The following PKHD1 variants were observed in gnomAD, a reference collection of about 807,000 sequenced individuals.
The protein encoded by PKHD1 is PKHD1 ciliary IPT domain containing fibrocystin/polyductin.
In PKHD1, 291 loss-of-function variants were observed where a neutral mutation model predicts 412.0. The observed-to-expected ratio is 0.71, with a 90% confidence interval of 0.64 to 0.78. The LOEUF is 0.78. Among genes scored for constraint, PKHD1 ranks in the 30% least tolerant of loss-of-function variants. The probability of loss-of-function intolerance (pLI) is 0.00; values close to 1 mark genes in which losing one functional copy is unlikely to be tolerated. For synonymous variants in PKHD1, 1,777 were observed against 1,821.5 expected (o/e 0.98, Z 0.62); for missense variants, 4,825 against 4,950.7 (o/e 0.97, Z 0.76).
intron 28 of PKHD1, among the ~76,000 whole-genome samples, 179 bp downstream of exon 28, chr6:52,035,412 A>T (rs1473566993): frequency 1.3e-5 from 2 of 152,204 alleles, no homozygotes; most frequent in African/African-American, 4.8e-5. Flanking sequence ...TACAAGCTCC[A>T]TTGGTGGGGT....
Position 52,076,346 on chromosome 6 carries a change from T to C in PKHD1, c.391-13A>G. 1.2e-6 allele frequency: 2 copies of C among 1,603,192 alleles called. No homozygotes were observed. The highest frequency in any genetic ancestry group is 8.5e-7 in the Non-Finnish European group (1 of 1,170,148). On this transcript the variant is annotated splice_polypyrimidine_tract_variant and intron_variant, in intron 5 of 66. Coordinates refer to ENST00000371117, the MANE Select transcript of PKHD1 (RefSeq NM_138694.4). The stretch of plus-strand genomic sequence containing the variant: ...GCGCCTTGGAAAACTGTTTAGAAAA[T>C]AGTACCACAAGTGAGCATGTCATTA...
At chr6:51,944,465 C>T (rs972860492) in intron 36 of PKHD1, among the ~76,000 whole-genome samples, 4 of 152,000 alleles carry the variant, frequency 2.6e-5, no homozygotes, top group African/African-American at 9.7e-5. Flanking sequence ...TTTTTTTAGG[C>T]TTTTGTATTT....
At chr6:51,753,475 T>C in intron 56 of PKHD1, 122 bp from the exon 57 acceptor site, 1 of 795,332 alleles carries the variant, frequency 1.3e-6, no homozygotes, top group East Asian at 2.6e-5. Context: ...TCTACCAACA[T>C]TAAGGTCTGC....
chr6:52,074,617 C>T lies in PKHD1; in HGVS notation c.449-1076G>A, dbSNP rs569923538. 1.1e-3 allele frequency among the ~76,000 whole-genome samples: 172 copies of T among 152,136 alleles called. 3 individuals are homozygous for T. The highest frequency in any genetic ancestry group is 3.7e-3 in the African/African-American group (155 of 41,498). On this transcript the variant is annotated intron_variant, in intron 6 of 66. Transcript: ENST00000371117. ...TGTGGGTTTTTGTTTTGTTTCTAAA[C>T]GAAGATGGCCAGCACAGGCTGACAA... is the stretch of plus-strand genomic sequence containing the variant.
intron 43 of PKHD1, among the ~76,000 whole-genome samples, chr6:51,891,290 CTT>C (rs373914033): frequency 4.6e-5 from 7 of 151,900 alleles, no homozygotes; most frequent in African/African-American, 1.7e-4. Flanking sequence ...TGTTTGTTTT[CTT>C]TTTTGAGATG....
intron 43 of PKHD1, among the ~76,000 whole-genome samples, chr6:51,896,667 T>C (rs1413088745): frequency 6.6e-6 from 1 of 152,202 alleles, no homozygotes; most frequent in African/African-American, 2.4e-5. Context: ...GGACGGAGAA[T>C]GACTTTGACG....
chr6:51,928,735 T>C (rs1786094691), intron 37 of PKHD1, among the ~76,000 whole-genome samples: 1 of 152,014 alleles, frequency 6.6e-6, no homozygotes, highest in Admixed American at 6.6e-5. Context: ...CCAATAACCA[T>C]AGAGAAGGCA....
intron 55 of PKHD1, among the ~76,000 whole-genome samples, chr6:51,772,290 T>C (rs897897059): frequency 1.3e-4 from 20 of 150,154 alleles, no homozygotes; most frequent in African/African-American, 5.0e-4. Context: ...CAATGCATTA[T>C]TAAATTTCAC....
At chr6:51,862,414 C>A (rs1468426542) in intron 48 of PKHD1, among the ~76,000 whole-genome samples, 3 of 152,096 alleles carry the variant, frequency 2.0e-5, no homozygotes, top group Non-Finnish European at 1.5e-5. Flanking sequence ...AATTCTGTAA[C>A]CTTTGCTGCC....
chr6:51,619,196 A>G lies in PKHD1; in HGVS notation c.12110T>C (p.Leu4037Pro), dbSNP rs199900211. 199 of 1,614,142 alleles carry G rather than the reference A, an allele frequency of 1.2e-4. No homozygotes were observed. Among genetic ancestry groups the G allele is most frequent in the Non-Finnish European group, 1.6e-4 (189 of 1,180,052 alleles). ...ERQQLPGQSR[L>P]SKQSGSLGLS... ...CCCCAAGCTGCCACTTTGCTTACTC[A>G]GCCGACTTTGCCCTGGCAACTGCTG... The change falls in exon 67 of 67, where the codon CTG (leucine) becomes CCG (proline). Residue 4037 changes from leucine to proline, a missense_variant. Leu to Pro is a moderately conservative substitution (Grantham distance 98). Coordinates refer to ENST00000371117, the MANE Select transcript of PKHD1 (RefSeq NM_138694.4).
At chr6:51,975,266 G>A (rs955624125) in intron 35 of PKHD1, among the ~76,000 whole-genome samples, 4 of 151,896 alleles carry the variant, frequency 2.6e-5, no homozygotes, top group Admixed American at 1.3e-4. Flanking sequence ...GACACCAAAA[G>A]CAGTACAAAA....
At chr6:51,988,552 C>A (rs1398177179) in intron 35 of PKHD1, among the ~76,000 whole-genome samples, 3 of 152,196 alleles carry the variant, frequency 2.0e-5, no homozygotes, top group Non-Finnish European at 4.4e-5. Context: ...CTGCAAGTAG[C>A]ACGTTCCAGT....
intron 53 of PKHD1, among the ~76,000 whole-genome samples, chr6:51,779,919 A>T (rs1043739284): frequency 5.9e-5 from 9 of 152,270 alleles, no homozygotes; most frequent in East Asian, 1.9e-4. Context: ...CAAGACATTT[A>T]AAAAAACTGA....
chr6:51,846,279 C>T (rs1001878212), intron 50 of PKHD1, among the ~76,000 whole-genome samples: 1 of 152,098 alleles, frequency 6.6e-6, no homozygotes, highest in Admixed American at 6.6e-5. Context: ...CCTGTAGGTC[C>T]GACTCACTGG....
At chr6:51,733,336 C>G (rs987767239) in intron 60 of PKHD1, among the ~76,000 whole-genome samples, 8 of 151,906 alleles carry the variant, frequency 5.3e-5, no homozygotes, top group African/African-American at 1.2e-4. Flanking sequence ...GTCAGGAGAC[C>G]TAGATCATCC....
At chr6:51,913,176 T>C (rs1469435555) in intron 37 of PKHD1, among the ~76,000 whole-genome samples, 3 of 152,062 alleles carry the variant, frequency 2.0e-5, no homozygotes, top group African/African-American at 7.2e-5. Flanking sequence ...CCTCCATAAC[T>C]AATTTCCAAT....
Position 51,615,705 on chromosome 6 carries a change from T to C in PKHD1, c.*3376A>G, listed in dbSNP as rs1217234535. On this transcript the variant is annotated 3_prime_UTR_variant, in exon 67 of 67. Coordinates refer to ENST00000371117, the MANE Select transcript of PKHD1 (RefSeq NM_138694.4). ...AGTTTGCAGGCATTTCAATGTATAG[T>C]AATTTCATATATTTGGAGTAAGACT... is the stretch of plus-strand genomic sequence containing the variant. 6.6e-6 allele frequency: 1 copy of C among 152,224 alleles called. No homozygotes were observed. Among genetic ancestry groups the C allele is most frequent in the Non-Finnish European group, 1.5e-5 (1 of 68,040 alleles). 9.4% of individuals were successfully genotyped at this position (152,224 alleles called of 1,614,324 possible).
intron 55 of PKHD1, among the ~76,000 whole-genome samples, chr6:51,762,070 T>C (rs1394388225): frequency 1.3e-5 from 2 of 152,070 alleles, no homozygotes; most frequent in African/African-American, 2.4e-5. Flanking sequence ...GCCATCCTAA[T>C]CTAAGCCATC....
intron 34 of PKHD1, among the ~76,000 whole-genome samples, chr6:52,012,807 C>G (rs1799975303): frequency 6.6e-6 from 1 of 152,192 alleles, no homozygotes. Context: ...ATAAACCTAT[C>G]AGAAAGGAAA....
Sources: gnomAD v4.1 joint callset for allele counts (sites outside exome capture counted in the v4.1 genomes callset) on GRCh38, gnomAD v4.1.1 for gene constraint, MANE v1.5 for transcripts, NCBI Gene and HGNC (gene_info 2026-07-23, HGNC 2026-07-21) for gene names.